NARF: variants seen among roughly 807,000 people sequenced by gnomAD.
NARF encodes nuclear prelamin A recognition factor.
NARF carries 41 observed loss-of-function variants against 48.0 expected under a neutral mutation model. That is an observed-to-expected ratio of 0.85 (90% CI 0.66 to 1.11). NARF has a LOEUF of 1.11. Among genes scored for constraint, NARF ranks in the 50% least tolerant of loss-of-function variants. The pLI is 0.00. For synonymous variants in NARF, 215 were observed against 225.5 expected (o/e 0.95, Z 0.42); for missense variants, 613 against 590.2 (o/e 1.04, Z -0.40).
In NARF at chr17:82,485,593, C is replaced by T; in HGVS notation, c.1068C>T (p.Ile356=). The change falls in exon 10 of 11, where the codon ATC becomes ATT. Residue 356 remains isoleucine, a synonymous_variant. Coordinates refer to ENST00000309794, the MANE Select transcript of NARF (RefSeq NM_012336.4). ...GCTTTCGAAACATCCAGAACATGAT[C>T]CTGAAGCTTAAGAAGGGCAAGTTCC... is the stretch of plus-strand genomic sequence containing the variant. ...AYGFRNIQNM[I]LKLKKGKFPF... 6.2e-7 allele frequency: 1 copy of T among 1,614,208 alleles called. No homozygotes were observed. Among genetic ancestry groups the T allele is most frequent in the Non-Finnish European group, 8.5e-7 (1 of 1,180,038 alleles).
intron 10 of NARF, among the ~76,000 whole-genome samples, chr17:82,486,355 G>A (rs1045837900): frequency 5.3e-5 from 8 of 152,186 alleles, no homozygotes; most frequent in Non-Finnish European, 7.4e-5. Context: ...GGGGCACCAC[G>A]AGGGACTCGA....
At position 82,464,314 on chromosome 17, in the gene NARF, G is replaced by A. The variant is rs1026197564; in HGVS notation, c.136G>A (p.Ala46Thr). The change falls in exon 3 of 11, where the codon GCC becomes ACC. Residue 46 changes from alanine to threonine, a missense_variant. Physicochemically the swap from Ala to Thr is moderately conservative, Grantham distance 58. Transcript: ENST00000309794. ...GGGAGAATTCCACAAGTTGGCTGAT[G>A]CCAAGATATTTTTGAGCGACTGCCT... ...EKGEFHKLAD[A>T]KIFLSDCLAC... 20 of 1,613,664 alleles carry A rather than the reference G, an allele frequency of 1.2e-5. No individual in the cohort carries two copies. Among genetic ancestry groups the A allele is most frequent in the East Asian group, 8.9e-5 (4 of 44,896 alleles).
rs2044145423 is a variant in NARF, at chr17:82,488,348, C to T, written c.*191C>T. ...AGGCAGTTTCATGTGGTGCTATCTT[C>T]ATAATAGGTGTGGGATTGGAACTTT... On this transcript the variant is annotated 3_prime_UTR_variant, in exon 11 of 11. Coordinates refer to ENST00000309794, the MANE Select transcript of NARF (RefSeq NM_012336.4). 1.3e-6 allele frequency: 1 copy of T among 784,378 alleles called. No individual in the cohort carries two copies. Among genetic ancestry groups the T allele is most frequent in the Non-Finnish European group, 1.9e-6 (1 of 520,732 alleles). The allele number at this position is 784,378 out of a possible 1,614,324, so 48.6% of individuals were successfully genotyped here.
At chr17:82,485,420 C>CAAAA in intron 9 of NARF, 77 bp from the exon 10 acceptor site, 17 of 1,298,436 alleles carry the variant, frequency 1.3e-5, no homozygotes, top group East Asian at 2.6e-5. Context: ...GACTCCGTCT[C>CAAAA]AAAAAAAAAA....
At chr17:82,478,570 G>A in intron 5 of NARF, 1 of 627,224 alleles carries the variant, frequency 1.6e-6, no homozygotes, top group Non-Finnish European at 3.0e-6. Flanking sequence ...CGGCCTTGCA[G>A]GGATGCTCCC....
intron 6 of NARF, among the ~76,000 whole-genome samples, chr17:82,479,527 C>G (rs747475935): frequency 1.3e-5 from 2 of 152,220 alleles, no homozygotes; most frequent in Non-Finnish European, 1.5e-5. Flanking sequence ...CAGGTCCTCC[C>G]AGAACTCCCT....
chr17:82,481,209 C>T lies in NARF; in HGVS notation c.767C>T (p.Ser256Leu), dbSNP rs748863395. 1 of 1,613,886 alleles carries T rather than the reference C, an allele frequency of 6.2e-7. No homozygotes were observed. The highest frequency in any genetic ancestry group is 1.7e-5 in the Admixed American group (1 of 60,012). ...CGGGGCGCTGACTGCGTGTTAACATCAGGTGAGAGGTGGGCGGGGGTGCAC... is the reference window on the plus strand; with the variant it reads ...CGGGGCGCTGACTGCGTGTTAACATTAGGTGAGAGGTGGGCGGGGGTGCAC... Reference protein sequence around the residue: ...GSRGADCVLTSGEIAQIMEQG... With the variant: ...GSRGADCVLTLGEIAQIMEQG... Residue 256 changes from serine to leucine, a missense_variant and splice_region_variant, in exon 7 of 11, where the codon TCA becomes TTA. Physicochemically the swap from Ser to Leu is moderately radical, Grantham distance 145. Transcript: ENST00000309794.
intron 2 of NARF, chr17:82,460,917 T>C (rs1255582640): frequency 6.6e-6 from 1 of 151,466 alleles, no homozygotes; most frequent in African/African-American, 2.4e-5. Context: ...TTCTTTTAAT[T>C]TTTTTTTTCC....
chr17:82,458,383 C>A (rs2043336509), upstream of NARF: 1 of 167,084 alleles, frequency 6.0e-6, no homozygotes, highest in South Asian at 1.6e-4. Context: ...CTGGAACGGC[C>A]CCAGCTTGGC....
chr17:82,477,349 C>T (rs961038936), intron 5 of NARF, among the ~76,000 whole-genome samples: 6 of 151,780 alleles, frequency 4.0e-5, no homozygotes, highest in African/African-American at 1.4e-4. Context: ...ACTAAAAATA[C>T]AAAAATTGGC....
chr17:82,470,421 A>G (rs1264828878), intron 4 of NARF, among the ~76,000 whole-genome samples: 1 of 152,216 alleles, frequency 6.6e-6, no homozygotes, highest in Non-Finnish European at 1.5e-5. Context: ...GATGTAACGG[A>G]ATGTTATATA....
rs1472956730 is a variant in NARF at position 82,489,603 on chromosome 17, C to T, written c.*1446C>T. 1 of 152,196 alleles carries T rather than the reference C, an allele frequency of 6.6e-6. No homozygotes were observed. Among genetic ancestry groups the T allele is most frequent in the East Asian group, 1.9e-4 (1 of 5,164 alleles). The allele number at this position is 152,196 out of a possible 1,614,324, so 9.4% of individuals were successfully genotyped here. A position where few individuals can be genotyped will look rare whatever the true frequency, so the allele number is the denominator to read the frequency against. The stretch of plus-strand genomic sequence containing the variant: ...CCTGTCACCCTTGGCAGACAGGTTT[C>T]TTCTCACACGGCCCTGGCCCATCCA... On this transcript the variant is annotated 3_prime_UTR_variant, in exon 11 of 11. Coordinates refer to ENST00000309794, the MANE Select transcript of NARF (RefSeq NM_012336.4).
At chr17:82,464,928 C>T (rs1385876426) in intron 3 of NARF, among the ~76,000 whole-genome samples, 1 of 152,222 alleles carries the variant, frequency 6.6e-6, no homozygotes, top group Non-Finnish European at 1.5e-5. Flanking sequence ...TGCCACTTGT[C>T]TTTCCGTGAG....
rs2044080297 is a variant in NARF, at chr17:82,485,631, T to C, written c.1106T>C (p.Val369Ala). 1 of 1,614,106 alleles carries C rather than the reference T, an allele frequency of 6.2e-7. No homozygotes were observed. Among genetic ancestry groups the C allele is most frequent in the East Asian group, 2.2e-5 (1 of 44,878 alleles). The change falls in exon 10 of 11, where the codon GTG becomes GCG. Residue 369 changes from valine to alanine, a missense_variant. Physicochemically the swap from Val to Ala is moderately conservative, Grantham distance 64. Coordinates refer to ENST00000309794, the MANE Select transcript of NARF (RefSeq NM_012336.4). ...AAGGGCAAGTTCCCATTCCACTTTG[T>C]GGAGGTCCTCGCCTGTGCTGGAGGT... ...LKKGKFPFHF[V>A]EVLACAGGCL...
intron 7 of NARF, chr17:82,482,290 C>G: frequency 2.4e-6 from 1 of 408,776 alleles, no homozygotes; most frequent in Non-Finnish European, 4.8e-6. Context: ...GTCCCCACCC[C>G]ATAGGCACAG....
At chr17:82,477,301 C>T (rs1174103072) in intron 5 of NARF, among the ~76,000 whole-genome samples, 3 of 151,794 alleles carry the variant, frequency 2.0e-5, no homozygotes, top group Admixed American at 6.6e-5. Context: ...GTCAAGAGTT[C>T]GAGACCAGCC....
chr17:82,474,076 T>G (rs1037318945), intron 5 of NARF, among the ~76,000 whole-genome samples: 3 of 152,060 alleles, frequency 2.0e-5, no homozygotes, highest in Non-Finnish European at 2.9e-5. Context: ...TCACAGCTAC[T>G]ACGAATCCTA....
At chr17:82,480,375 TC>T (rs1426079045) in intron 6 of NARF, 3 of 401,712 alleles carry the variant, frequency 7.5e-6, no homozygotes, top group Non-Finnish European at 1.3e-5. Context: ...CGGCTGGACT[TC>T]CTCTTACTTG....
chr17:82,474,225 G>A (rs569763465), intron 5 of NARF, among the ~76,000 whole-genome samples: 2 of 152,250 alleles, frequency 1.3e-5, no homozygotes, highest in South Asian at 4.1e-4. Flanking sequence ...TATCTCAGAT[G>A]TACAAATAAT....
Sources: gnomAD v4.1 joint callset for allele counts (sites outside exome capture counted in the v4.1 genomes callset) on GRCh38, gnomAD v4.1.1 for gene constraint, MANE v1.5 for transcripts, NCBI Gene and HGNC (gene_info 2026-07-23, HGNC 2026-07-21) for gene names.